The following BANP variants were observed in gnomAD, a reference collection of about 807,000 sequenced individuals.
BANP encodes the protein protein BANP.
In BANP, 11 loss-of-function variants were observed where a neutral mutation model predicts 68.1. The ratio of observed to expected loss-of-function variants is 0.16; its 90% CI spans 0.10 to 0.27. The LOEUF is 0.27. BANP is among the 10% of genes least tolerant of loss of function. The probability of loss-of-function intolerance (pLI) is 1.00; values close to 1 mark genes in which losing one functional copy is unlikely to be tolerated. For synonymous variants in BANP, 329 were observed against 303.2 expected (o/e 1.09, Z -0.88); for missense variants, 504 against 722.7 (o/e 0.70, Z 3.47).
chr16:88,023,177 T>C (rs2076333995), intron 7 of BANP, among the ~76,000 whole-genome samples: 1 of 151,946 alleles, frequency 6.6e-6, no homozygotes, highest in Non-Finnish European at 1.5e-5. Flanking sequence ...GGGAGGAAGG[T>C]GTGGTCAGTG....
At chr16:88,066,435 G>A (rs900660503) in intron 12 of BANP, among the ~76,000 whole-genome samples, 1 of 152,134 alleles carries the variant, frequency 6.6e-6, no homozygotes, top group Non-Finnish European at 1.5e-5. Flanking sequence ...CTGGCCACCT[G>A]GTGAAGGGCC....
intron 7 of BANP, among the ~76,000 whole-genome samples, chr16:88,019,305 T>C (rs910799486): frequency 6.6e-6 from 1 of 152,080 alleles, no homozygotes; most frequent in Non-Finnish European, 1.5e-5. Flanking sequence ...GTCCATTTGC[T>C]CCACAGAGCC....
chr16:88,016,463 C>T (rs1275911133), intron 6 of BANP, among the ~76,000 whole-genome samples: 1 of 152,212 alleles, frequency 6.6e-6, no homozygotes, highest in Non-Finnish European at 1.5e-5. Flanking sequence ...TTTCCCCTTC[C>T]CCTCCCCATG....
At chr16:87,968,656 A>G (rs931697934) in intron 1 of BANP, among the ~76,000 whole-genome samples, 2 of 152,272 alleles carry the variant, frequency 1.3e-5, no homozygotes, top group Admixed American at 6.5e-5. Flanking sequence ...GTGTCACCAC[A>G]TAAGTTTCAT....
At chr16:88,063,289 C>T (rs2087438410) in intron 11 of BANP, among the ~76,000 whole-genome samples, 2 of 152,258 alleles carry the variant, frequency 1.3e-5, no homozygotes, top group South Asian at 2.1e-4. Context: ...CTCCCCTCCC[C>T]GGTGTGGATG....
chr16:87,969,822 C>A (rs959799292), intron 1 of BANP, among the ~76,000 whole-genome samples: 11 of 152,052 alleles, frequency 7.2e-5, no homozygotes, highest in African/African-American at 2.2e-4. Context: ...TGAGCCACCA[C>A]GCCTGGCCTG....
rs2079790092 is a variant in BANP at position 88,037,970 on chromosome 16, T to C, written c.1273-3T>C. On this transcript the variant is annotated splice_polypyrimidine_tract_variant and splice_region_variant and intron_variant, in intron 10 of 13. Transcript: ENST00000682872. The stretch of plus-strand genomic sequence containing the variant: ...GACCGTCTCCTCCTCTCGTTCTTTG[T>C]AGGGCAACCTCCAGATCCATCACGT... 1 of 1,613,774 alleles carries C rather than the reference T, an allele frequency of 6.2e-7. No individual in the cohort carries two copies. Among genetic ancestry groups the C allele is most frequent in the African/African-American group, 1.3e-5 (1 of 74,940 alleles).
chr16:88,004,759 G>T lies in BANP; in HGVS notation c.479+348G>T, dbSNP rs887503463. On this transcript the variant is annotated intron_variant, in intron 5 of 13. Transcript: ENST00000682872. This position sits in a 1 kb window ranked among gnomAD's most constrained non-coding sequence, Gnocchi z 7.0. ...CCTCACGTCTGTCTGTGCAGAGCGT[G>T]TCAGGCAAACAGACGCCCTCTCCCA... Among the ~76,000 whole-genome samples, 2 of 152,238 alleles carry T rather than the reference G, an allele frequency of 1.3e-5. No individual in the cohort carries two copies. Among genetic ancestry groups the T allele is most frequent in the Non-Finnish European group, 2.9e-5 (2 of 68,044 alleles).
chr16:88,014,102 G>C (rs1268520140), intron 6 of BANP, among the ~76,000 whole-genome samples: 20 of 152,312 alleles, frequency 1.3e-4, no homozygotes, highest in African/African-American at 4.8e-4. Context: ...GCAGAGTTTA[G>C]AGTCAGAGTC....
At chr16:88,026,585 G>A (rs2077037448) in intron 7 of BANP, among the ~76,000 whole-genome samples, 4 of 151,942 alleles carry the variant, frequency 2.6e-5, no homozygotes, top group African/African-American at 9.7e-5. Context: ...ATACATGCGT[G>A]AATTCTCCAA....
At chr16:87,984,428 G>A (rs1181809295) in intron 4 of BANP, among the ~76,000 whole-genome samples, 169 bp downstream of exon 4, 2 of 152,206 alleles carry the variant, frequency 1.3e-5, no homozygotes, top group East Asian at 1.9e-4. Context: ...GACCGAAACC[G>A]AACACATGGC....
rs141500408 is a variant in BANP at position 88,021,099 on chromosome 16, C to T, written c.895+2432C>T. Among the ~76,000 whole-genome samples the T allele has an allele frequency of 3.0e-3, 458 of 152,294 alleles. 4 individuals carry two copies. The highest frequency in any genetic ancestry group is 0.011 in the African/African-American group (439 of 41,560). ...CCAACCTCGATGGGGGTCTGGAGGCCGGAGAGGGGAGTGGGAGCCTGGCAT... is the reference window on the plus strand; with the variant it reads ...CCAACCTCGATGGGGGTCTGGAGGCTGGAGAGGGGAGTGGGAGCCTGGCAT... On this transcript the variant is annotated intron_variant, in intron 7 of 13. Coordinates refer to ENST00000682872, the MANE Select transcript of BANP (RefSeq NM_001386991.1).
rs879883014 is a variant in BANP at position 88,057,929 on chromosome 16, C to T, written c.1312-7338C>T. Reference sequence around the variant, plus strand: ...GCCGCCTGTGTTCCGACAAGCCAGGCGCCGAGGCTCGGTGTGGGCCCGTGG... The same window carrying T: ...GCCGCCTGTGTTCCGACAAGCCAGGTGCCGAGGCTCGGTGTGGGCCCGTGG... On this transcript the variant is annotated intron_variant, in intron 11 of 13. Coordinates refer to ENST00000682872, the MANE Select transcript of BANP (RefSeq NM_001386991.1). The surrounding 1 kb of genome is among the most constrained non-coding windows in gnomAD (Gnocchi z 4.6). 6.6e-6 allele frequency among the ~76,000 whole-genome samples: 1 copy of T among 152,178 alleles called. No individual in the cohort carries two copies. Among genetic ancestry groups the T allele is most frequent in the East Asian group, 1.9e-4 (1 of 5,190 alleles).
chr16:88,009,632 C>T (rs1408053575), intron 6 of BANP, among the ~76,000 whole-genome samples: 1 of 152,040 alleles, frequency 6.6e-6, no homozygotes, highest in Non-Finnish European at 1.5e-5. Flanking sequence ...GACTGTGTCT[C>T]ATTGGAATAA....
intron 11 of BANP, among the ~76,000 whole-genome samples, chr16:88,061,136 G>A (rs1230008987): frequency 6.6e-6 from 1 of 152,202 alleles, no homozygotes; most frequent in Non-Finnish European, 1.5e-5. Flanking sequence ...CTTGATTGAG[G>A]TTCATGCTGA....
chr16:88,047,096 G>A (rs576753514), intron 11 of BANP, among the ~76,000 whole-genome samples: 1 of 152,114 alleles, frequency 6.6e-6, no homozygotes, highest in African/African-American at 2.4e-5. Flanking sequence ...CTTATCATGT[G>A]AACGTGTTTT....
At chr16:87,964,823 G>T in intron 1 of BANP, among the ~76,000 whole-genome samples, 1 of 152,210 alleles carries the variant, frequency 6.6e-6, no homozygotes, top group Non-Finnish European at 1.5e-5. Context: ...TGAGGTTTTG[G>T]CCTGAGCATC....
chr16:87,989,784 G>T (rs1050841198), intron 4 of BANP, among the ~76,000 whole-genome samples: 2 of 122,188 alleles, frequency 1.6e-5, no homozygotes, highest in African/African-American at 6.4e-5. Context: ...GGGGATGCAG[G>T]CCCGCGTGGC....
rs2075211804 is a variant in BANP, at chr16:88,018,881, A to G, written c.895+214A>G. Among the ~76,000 whole-genome samples, 1 of 152,014 alleles carries G rather than the reference A, an allele frequency of 6.6e-6. No individual in the cohort carries two copies. The highest frequency in any genetic ancestry group is 1.5e-5 in the Non-Finnish European group (1 of 67,972). ...ACGCACGGCATGCCCGCACCAAAAT[A>G]CCTCATATACCCCATCATATATATA... On this transcript the variant is annotated intron_variant, in intron 7 of 13. Coordinates refer to ENST00000682872, the MANE Select transcript of BANP (RefSeq NM_001386991.1). The surrounding 1 kb of genome is among the most constrained non-coding windows in gnomAD (Gnocchi z 7.7).
Sources: allele counts gnomAD v4.1 joint callset (sites outside exome capture counted in the v4.1 genomes callset), GRCh38; gene constraint gnomAD v4.1.1; non-coding constraint Gnocchi (gnomAD v3.1); transcripts MANE v1.5; gene names NCBI Gene and HGNC (gene_info 2026-07-23, HGNC 2026-07-21).